Variants in RAP1A observed in about 807,000 individuals in gnomAD.
RAP1A encodes ras-related protein Rap-1A.
RAP1A carries 6 observed loss-of-function variants against 26.4 expected under a neutral mutation model. The observed-to-expected ratio is 0.23, with a 90% CI of 0.12 to 0.45. RAP1A has a LOEUF of 0.45. RAP1A is among the 20% of genes least tolerant of loss of function. RAP1A has a pLI of 0.99. For synonymous variants in RAP1A, 73 were observed against 79.4 expected, an observed-to-expected ratio of 0.92 and a Z score of 0.43; for missense variants, 121 against 217.2, an observed-to-expected ratio of 0.56 and a Z score of 2.78.
intron 1 of RAP1A, among the ~76,000 whole-genome samples, chr1:111,610,039 A>G (rs938319397): frequency 1.3e-5 from 2 of 152,188 alleles, no homozygotes; most frequent in Admixed American, 1.3e-4. Flanking sequence ...CTGAAAAACT[A>G]TACGCCCCTT....
At chr1:111,610,229 T>C (rs1312929767) in intron 1 of RAP1A, among the ~76,000 whole-genome samples, 1 of 152,184 alleles carries the variant, frequency 6.6e-6, no homozygotes, top group Non-Finnish European at 1.5e-5. Flanking sequence ...TTGTGAATTC[T>C]ATTTTTCTCT....
At chr1:111,591,734 A>G (rs552779158) in intron 1 of RAP1A, among the ~76,000 whole-genome samples, 10 of 152,164 alleles carry the variant, frequency 6.6e-5, no homozygotes, top group African/African-American at 9.7e-5. Flanking sequence ...GGATCCTTCT[A>G]TCTTTCTGTT....
At chr1:111,563,755 A>C (rs2101050590) in intron 1 of RAP1A, 1 of 881,704 alleles carries the variant, frequency 1.1e-6, no homozygotes, top group African/African-American at 1.6e-5. Flanking sequence ...AGCTTGCCCC[A>C]TATCATGAAT....
chr1:111,632,054 C>T (rs1370601909), intron 1 of RAP1A, among the ~76,000 whole-genome samples: 9 of 152,040 alleles, frequency 5.9e-5, no homozygotes, highest in African/African-American at 2.2e-4. Context: ...GTTTATGTAG[C>T]CAGTGTTAGT....
intron 1 of RAP1A, among the ~76,000 whole-genome samples, chr1:111,633,519 A>C (rs995562622): frequency 1.3e-5 from 2 of 152,180 alleles, no homozygotes; most frequent in African/African-American, 4.8e-5. Context: ...TTAGATTTTC[A>C]TATATTAGGT....
At chr1:111,565,062 G>T (rs1279508703) in intron 1 of RAP1A, among the ~76,000 whole-genome samples, 1 of 152,154 alleles carries the variant, frequency 6.6e-6, no homozygotes, top group African/African-American at 2.4e-5. Context: ...ACACCTAAAT[G>T]CAGTAAGGGA....
chr1:111,578,227 G>T (rs1224964247), intron 1 of RAP1A, among the ~76,000 whole-genome samples: 3 of 152,016 alleles, frequency 2.0e-5, no homozygotes, highest in Non-Finnish European at 4.4e-5. Context: ...GGTGGGCATG[G>T]GTCACCAAGA....
chr1:111,685,738 C>G (rs1233756774), intron 1 of RAP1A, among the ~76,000 whole-genome samples: 1 of 152,108 alleles, frequency 6.6e-6, no homozygotes, highest in East Asian at 1.9e-4. Flanking sequence ...GATCTAGAAC[C>G]AGAAATACCA....
chr1:111,579,987 G>C (rs149576098), intron 1 of RAP1A, among the ~76,000 whole-genome samples: 1,770 of 152,032 alleles, frequency 0.012, 24 homozygotes, highest in African/African-American at 0.041. Flanking sequence ...GTAGAGTCAG[G>C]GTTTCACCAT....
chr1:111,695,266 A>G, intron 2 of RAP1A, 75 bp from the exon 3 acceptor site: 10 of 1,071,684 alleles, frequency 9.3e-6, no homozygotes, highest in Non-Finnish European at 1.1e-5. Context: ...ATTAATCATT[A>G]TAATTTGTAG....
rs149116756 is a variant in RAP1A, at chr1:111,694,185, C to T, written c.58-1156C>T. Among the ~76,000 whole-genome samples, 117 of 152,218 alleles carry T rather than the reference C, an allele frequency of 7.7e-4. 1 individual carries two copies. The East Asian group carries it at 0.017, about 23-fold the overall frequency. On this transcript the variant is annotated intron_variant, in intron 2 of 7. Coordinates refer to ENST00000369709, the MANE Select transcript of RAP1A (RefSeq NM_002884.4). ...GTACAGCATGAGCCACTGCATCCAG[C>T]GTAGACTGCTTTGTATATTTAAATT...
chr1:111,659,344 T>C (rs531749830), intron 1 of RAP1A, among the ~76,000 whole-genome samples: 13 of 152,198 alleles, frequency 8.5e-5, no homozygotes, highest in African/African-American at 2.9e-4. Context: ...GAAAGTAGTC[T>C]CTCTCTCTCA....
chr1:111,644,988 A>G (rs548650378), intron 1 of RAP1A, among the ~76,000 whole-genome samples: 18 of 152,358 alleles, frequency 1.2e-4, no homozygotes, highest in African/African-American at 4.1e-4. Context: ...CCTGAAAAAC[A>G]ATCAGAATAT....
intron 1 of RAP1A, among the ~76,000 whole-genome samples, chr1:111,667,047 A>C (rs1305070334): frequency 6.6e-6 from 1 of 152,218 alleles, no homozygotes; most frequent in East Asian, 1.9e-4. Context: ...TTCTGTTTTG[A>C]AAAGATCATT....
At chr1:111,542,600 G>C (rs867702708) in intron 1 of RAP1A, 2 of 154,666 alleles carry the variant, frequency 1.3e-5, no homozygotes, top group African/African-American at 4.8e-5. Context: ...ACTGTAAAGG[G>C]AGCATTTCTC....
chr1:111,703,494 C>T lies in RAP1A; in HGVS notation c.324+18C>T. On this transcript the variant is annotated intron_variant, in intron 5 of 7. Transcript: ENST00000369709. Reference sequence around the variant, plus strand: ...CGGAAGATGTAAGTATTTTTTCTCTCTGTAAGATGTTATGCCATCTCTCTG... The same window carrying T: ...CGGAAGATGTAAGTATTTTTTCTCTTTGTAAGATGTTATGCCATCTCTCTG... The T allele has an allele frequency of 1.3e-6, 2 of 1,555,172 alleles. No homozygotes were observed. The highest frequency in any genetic ancestry group is 1.4e-5 in the African/African-American group (1 of 72,700).
At chr1:111,619,964 C>T in intron 1 of RAP1A, 30 bp downstream of exon 1, 1 of 397,074 alleles carries the variant, frequency 2.5e-6, no homozygotes. Flanking sequence ...CTCCAGACGG[C>T]CCCAGAGGGA....
chr1:111,643,697 G>A (rs1227677902), intron 1 of RAP1A, among the ~76,000 whole-genome samples: 3 of 152,180 alleles, frequency 2.0e-5, no homozygotes, highest in East Asian at 1.9e-4. Flanking sequence ...CAGAGTCATA[G>A]CAGCAAGCAA....
At chr1:111,579,186 G>T (rs1658201748) in intron 1 of RAP1A, among the ~76,000 whole-genome samples, 1 of 152,152 alleles carries the variant, frequency 6.6e-6, no homozygotes, top group South Asian at 2.1e-4. Context: ...GGAGGTTGGA[G>T]GGTAGGGTTG....
Sources: allele counts gnomAD v4.1 joint callset (sites outside exome capture counted in the v4.1 genomes callset), GRCh38; gene constraint gnomAD v4.1.1; transcripts MANE v1.5; gene names NCBI Gene and HGNC (gene_info 2026-07-23, HGNC 2026-07-21).